Variants in RNF182 observed in about 807,000 individuals in gnomAD.
RNF182 encodes the protein ring finger protein 182.
Under a neutral mutation model 14.4 loss-of-function variants are expected in RNF182, and 15 were observed. The observed-to-expected ratio is 1.04, with a 90% CI of 0.70 to 1.60. RNF182 has a LOEUF of 1.60. Ranked by LOEUF, RNF182 falls within the 40% of genes most tolerant of loss-of-function variation. The probability of loss-of-function intolerance (pLI) is 0.00; values close to 1 mark genes in which losing one functional copy is unlikely to be tolerated. For synonymous variants in RNF182, 128 were observed against 122.9 expected, an observed-to-expected ratio of 1.04 and a Z score of -0.27; for missense variants, 268 against 294.8, an observed-to-expected ratio of 0.91 and a Z score of 0.67.
intron 1 of RNF182, among the ~76,000 whole-genome samples, chr6:13,959,491 A>C (rs1759812611): frequency 6.6e-6 from 1 of 152,246 alleles, no homozygotes; most frequent in Non-Finnish European, 1.5e-5. Context: ...CAATGAAAAT[A>C]ATTTATAGTG....
At position 13,978,541 on chromosome 6, in the gene RNF182, C is replaced by T. The variant is rs1249161003; in HGVS notation, c.*678C>T. 1 of 165,598 alleles carries T rather than the reference C, an allele frequency of 6.0e-6. No individual in the cohort carries two copies. Among genetic ancestry groups the T allele is most frequent in the African/African-American group, 2.4e-5 (1 of 41,230 alleles). 10.3% of individuals were successfully genotyped at this position (165,598 alleles called of 1,614,324 possible). A position where few individuals can be genotyped will look rare whatever the true frequency, so the allele number is the denominator to read the frequency against. On this transcript the variant is annotated 3_prime_UTR_variant, in exon 3 of 3. Coordinates refer to ENST00000488300, the MANE Select transcript of RNF182 (RefSeq NM_152737.4). ...AGAATGTGGCCATTTGTCCTTGAGA[C>T]ACACTCTTTCCTCCATGTCTGTTTT...
chr6:13,949,793 C>T (rs984395619), intron 1 of RNF182: 9 of 154,766 alleles, frequency 5.8e-5, no homozygotes, highest in Middle Eastern at 3.2e-3. Flanking sequence ...ACAGTGCCAA[C>T]GTTAAACTTA....
At chr6:13,948,512 A>G (rs935563027) in intron 1 of RNF182, among the ~76,000 whole-genome samples, 4 of 152,222 alleles carry the variant, frequency 2.6e-5, no homozygotes, top group Admixed American at 1.3e-4. Context: ...AAAATGTCAG[A>G]TGCCATTTTG....
At chr6:13,936,156 C>A (rs1044727961) in intron 1 of RNF182, among the ~76,000 whole-genome samples, 2 of 152,154 alleles carry the variant, frequency 1.3e-5, no homozygotes, top group Non-Finnish European at 2.9e-5. Context: ...TAGAAACTGC[C>A]CCTTGATCTA....
intron 1 of RNF182, among the ~76,000 whole-genome samples, chr6:13,963,552 T>C (rs544392478): frequency 6.6e-6 from 1 of 152,314 alleles, no homozygotes; most frequent in Non-Finnish European, 1.5e-5. Context: ...TGGTGGTTAG[T>C]TGAGGCTGGA....
chr6:13,949,275 T>C, intron 1 of RNF182: 1 of 780,350 alleles, frequency 1.3e-6, no homozygotes, highest in Non-Finnish European at 2.4e-6. Flanking sequence ...GCTCCCAGAC[T>C]TACCACATCT....
intron 1 of RNF182, among the ~76,000 whole-genome samples, chr6:13,927,757 T>C (rs1281277381): frequency 6.6e-6 from 1 of 152,270 alleles, no homozygotes; most frequent in African/African-American, 2.4e-5. Flanking sequence ...CTAGTTGCAC[T>C]GTGATAACAT....
chr6:13,969,512 G>A (rs1328201708), intron 1 of RNF182, among the ~76,000 whole-genome samples: 1 of 152,160 alleles, frequency 6.6e-6, no homozygotes, highest in East Asian at 1.9e-4. Context: ...AGTGGGGGCA[G>A]TTGGGAAGGG....
At chr6:13,931,173 C>G (rs755664476) in intron 1 of RNF182, among the ~76,000 whole-genome samples, 4 of 152,080 alleles carry the variant, frequency 2.6e-5, no homozygotes, top group Non-Finnish European at 4.4e-5. Context: ...GACAGAGAAC[C>G]CCTATCCTCA....
At chr6:13,974,180 CA>C (rs1246643470) in intron 1 of RNF182, 29 bp from the exon 2 acceptor site, 1 of 151,556 alleles carries the variant, frequency 6.6e-6, no homozygotes, top group Admixed American at 6.6e-5. Context: ...TCAAGAGGAA[CA>C]ATCACCATGC....
At chr6:13,939,429 AT>A (rs2113594325) in intron 1 of RNF182, among the ~76,000 whole-genome samples, 1 of 151,568 alleles carries the variant, frequency 6.6e-6, no homozygotes, top group Admixed American at 6.6e-5. Context: ...CTTTCATTAG[AT>A]TTGTTCTTTT....
At chr6:13,975,423 G>T (rs938499682) in intron 2 of RNF182, among the ~76,000 whole-genome samples, 4 of 152,120 alleles carry the variant, frequency 2.6e-5, no homozygotes, top group Non-Finnish European at 5.9e-5. Flanking sequence ...GATACATAGA[G>T]CTTGGTTCGT....
chr6:13,939,891 T>G (rs1759245264), intron 1 of RNF182, among the ~76,000 whole-genome samples: 1 of 152,244 alleles, frequency 6.6e-6, no homozygotes, highest in Admixed American at 6.5e-5. Context: ...TTTTGCTGCA[T>G]TCACTTCTTA....
At chr6:13,975,400 G>T (rs73364340) in intron 2 of RNF182, among the ~76,000 whole-genome samples, 2,017 of 152,172 alleles carry the variant, frequency 0.013, 36 homozygotes, top group African/African-American at 0.04. Flanking sequence ...TATCTTTTTT[G>T]TGTGTTAGGC....
rs1009286015 is a variant in RNF182, at chr6:13,944,182, A to G, written c.-367+19159A>G. On this transcript the variant is annotated intron_variant, in intron 1 of 2. Transcript: ENST00000488300. ...TAGAGGATTTACATCTCAAAGGTAC[A>G]AGGAAAAGATTTACAGTTGCAAGCT... 2.2e-4 allele frequency among the ~76,000 whole-genome samples: 34 copies of G among 152,188 alleles called. 1 individual carries two copies.
Position 13,977,490 on chromosome 6 carries a change from C to CA in RNF182, c.371_372insA (p.Ser125ValfsTer30). On this transcript the variant is annotated frameshift_variant, in exon 3 of 3. Coordinates refer to ENST00000488300, the MANE Select transcript of RNF182 (RefSeq NM_152737.4). LOFTEE classifies it high-confidence loss of function. ...GCCTCTCTGGTCAGTCCTTCTCACACGTCCTCCAACTGCCTGGTCATAACC... is the reference window on the plus strand; with the variant it reads ...GCCTCTCTGGTCAGTCCTTCTCACACAGTCCTCCAACTGCCTGGTCATAACC... 6.2e-7 allele frequency: 1 copy of CA among 1,614,212 alleles called. No homozygotes were observed. The highest frequency in any genetic ancestry group is 8.5e-7 in the Non-Finnish European group (1 of 1,180,044).
chr6:13,963,201 A>G (rs1267376543), intron 1 of RNF182, among the ~76,000 whole-genome samples: 1 of 152,216 alleles, frequency 6.6e-6, no homozygotes, highest in African/African-American at 2.4e-5. Context: ...TATGCATGGA[A>G]GAATACATAG....
At chr6:13,960,631 A>G (rs900585962) in intron 1 of RNF182, among the ~76,000 whole-genome samples, 1 of 150,128 alleles carries the variant, frequency 6.7e-6, no homozygotes, top group Non-Finnish European at 1.5e-5. Flanking sequence ...AGTAATATGT[A>G]CTTTTTTGAT....
At chr6:13,935,755 G>T (rs1312741858) in intron 1 of RNF182, among the ~76,000 whole-genome samples, 1 of 152,120 alleles carries the variant, frequency 6.6e-6, no homozygotes. Flanking sequence ...TACAAAAGAT[G>T]TTTAAAAATA....
Sources: allele counts gnomAD v4.1 joint callset (sites outside exome capture counted in the v4.1 genomes callset), GRCh38; gene constraint gnomAD v4.1.1; transcripts MANE v1.5; gene names NCBI Gene and HGNC (gene_info 2026-07-23, HGNC 2026-07-21).